EPS15: variants seen among roughly 807,000 people sequenced by gnomAD.
EPS15 encodes the protein epidermal growth factor receptor substrate 15.
A neutral mutation model predicts 113.8 loss-of-function variants in EPS15; 72 were observed. That is an observed-to-expected ratio of 0.63 (90% CI 0.52 to 0.77). The LOEUF (loss-of-function observed/expected upper bound fraction) is 0.77. Among genes scored for constraint, EPS15 ranks in the 30% least tolerant of loss-of-function variants. The pLI, the probability that EPS15 is intolerant of heterozygous loss-of-function variation, is 0.00. For missense variants in EPS15, 1,048 were observed against 1,045.8 expected, an observed-to-expected ratio of 1.00 and a Z score of -0.03; for synonymous variants, 344 against 363.4, an observed-to-expected ratio of 0.95 and a Z score of 0.61.
chr1:51,483,370 GAT>G (rs990061489), intron 1 of EPS15, among the ~76,000 whole-genome samples: 1 of 150,378 alleles, frequency 6.6e-6, no homozygotes, highest in Non-Finnish European at 1.5e-5. Flanking sequence ...CATACACACA[GAT>G]ATATATATTC....
intron 24 of EPS15, among the ~76,000 whole-genome samples, chr1:51,357,274 G>A (rs1266994766): frequency 6.7e-6 from 1 of 150,350 alleles, no homozygotes; most frequent in African/African-American, 2.5e-5. Flanking sequence ...CTACTTGGGA[G>A]GGTGAGGCAC....
chr1:51,434,883 G>C (rs914877976), intron 12 of EPS15, among the ~76,000 whole-genome samples: 3 of 151,986 alleles, frequency 2.0e-5, no homozygotes, highest in African/African-American at 7.2e-5. Flanking sequence ...TGTTGGGCAG[G>C]CTGGTCTCGA....
intron 1 of EPS15, among the ~76,000 whole-genome samples, chr1:51,515,878 G>T (rs1644707026): frequency 6.6e-6 from 1 of 152,182 alleles, no homozygotes; most frequent in South Asian, 2.1e-4. Context: ...TCTCTAATTT[G>T]TAAAACATAT....
At chr1:51,490,821 A>G (rs1201482998) in intron 1 of EPS15, among the ~76,000 whole-genome samples, 1 of 152,176 alleles carries the variant, frequency 6.6e-6, no homozygotes, top group East Asian at 1.9e-4. Flanking sequence ...TATGGATAGA[A>G]CTATATATGC....
chr1:51,507,777 G>A (rs541416571), intron 1 of EPS15, among the ~76,000 whole-genome samples: 3 of 151,926 alleles, frequency 2.0e-5, no homozygotes, highest in Admixed American at 6.6e-5. Context: ...AAAAAGAAAC[G>A]ATGTAAAAGA....
intron 1 of EPS15, among the ~76,000 whole-genome samples, chr1:51,514,684 T>C (rs1019349298): frequency 4.6e-5 from 7 of 152,190 alleles, no homozygotes; most frequent in South Asian, 2.1e-4. Context: ...TGTCTGCAAA[T>C]AGAGTGAAAA....
chr1:51,439,151 GA>G (rs977011848), intron 12 of EPS15, among the ~76,000 whole-genome samples: 1 of 152,058 alleles, frequency 6.6e-6, no homozygotes, highest in African/African-American at 2.4e-5. Flanking sequence ...AGTGGAAATG[GA>G]AACAAGAAAT....
intron 13 of EPS15, among the ~76,000 whole-genome samples, chr1:51,421,448 A>G (rs72696103): frequency 0.03 from 4,573 of 152,174 alleles, 74 homozygotes; most frequent in African/African-American, 0.05. Flanking sequence ...TGAGATGATG[A>G]TCTCACTCTA....
At chr1:51,462,972 G>A (rs1654589065) in intron 7 of EPS15, among the ~76,000 whole-genome samples, 2 of 149,554 alleles carry the variant, frequency 1.3e-5, no homozygotes, top group South Asian at 4.2e-4. Flanking sequence ...TGCCTCCTGG[G>A]TTCACGCGAT....
rs1457589850 is a variant in EPS15, at chr1:51,439,718, A to C, written c.1040+629T>G. ...ATGTATAAGAAAGAAGATTCAACTTAGAATAAAGTAGTCCTGGGATCAGGT... is the reference window on the plus strand; with the variant it reads ...ATGTATAAGAAAGAAGATTCAACTTCGAATAAAGTAGTCCTGGGATCAGGT... On this transcript the variant is annotated intron_variant, in intron 12 of 24. Coordinates refer to ENST00000371733, the MANE Select transcript of EPS15 (RefSeq NM_001981.3). Among the ~76,000 whole-genome samples the C allele has an allele frequency of 2.0e-5, 3 of 152,086 alleles. No individual in the cohort carries two copies. In the East Asian group the frequency reaches 5.8e-4, roughly 29 times the overall value.
At chr1:51,372,233 G>A (rs1179325142) in intron 21 of EPS15, 2 of 473,270 alleles carry the variant, frequency 4.2e-6, no homozygotes, top group Non-Finnish European at 8.7e-6. Context: ...GGGTTGCAGG[G>A]AGCTAGGCCT....
chr1:51,357,420 ATATATATT>A (rs1246938528), intron 24 of EPS15, among the ~76,000 whole-genome samples: 24 of 68,776 alleles, frequency 3.5e-4, no homozygotes, highest in Middle Eastern at 7.5e-3. Context: ...ATATATATAT[ATATATATT>A]TTTTTTTTTT....
intron 13 of EPS15, among the ~76,000 whole-genome samples, chr1:51,415,626 G>A (rs902302483): frequency 3.3e-5 from 5 of 150,584 alleles, no homozygotes; most frequent in Non-Finnish European, 5.9e-5. Flanking sequence ...GAAAAACCCC[G>A]TCTCTACTAA....
At position 51,465,258 on chromosome 1, in the gene EPS15, T is replaced by C; in HGVS notation, c.375+3A>G. 6.9e-6 allele frequency: 11 copies of C among 1,594,400 alleles called. No individual in the cohort carries two copies. The highest frequency in any genetic ancestry group is 9.4e-6 in the Non-Finnish European group (11 of 1,164,734). Reference sequence around the variant, plus strand: ...TGAGAGAATAGTTACAAAGTTTACTTACTTTTACAGCCCATGGGAGCTCAG... The same window carrying C: ...TGAGAGAATAGTTACAAAGTTTACTCACTTTTACAGCCCATGGGAGCTCAG... On this transcript the variant is annotated splice_donor_region_variant and intron_variant, in intron 6 of 24. Coordinates refer to ENST00000371733, the MANE Select transcript of EPS15 (RefSeq NM_001981.3).
chr1:51,368,082 A>G (rs1406554462), intron 21 of EPS15, among the ~76,000 whole-genome samples: 1 of 152,218 alleles, frequency 6.6e-6, no homozygotes, highest in Non-Finnish European at 1.5e-5. Flanking sequence ...CAGTAAGCTG[A>G]GATTGCGCCA....
chr1:51,486,263 CAA>C (rs780904279), intron 1 of EPS15, among the ~76,000 whole-genome samples: 1 of 119,648 alleles, frequency 8.4e-6, no homozygotes, highest in Non-Finnish European at 1.8e-5. Flanking sequence ...ACTAAAAATA[CAA>C]AAAAAAAAAA....
chr1:51,440,249 G>T, intron 12 of EPS15, 98 bp downstream of exon 12: 1 of 452,678 alleles, frequency 2.2e-6, no homozygotes, highest in Non-Finnish European at 4.0e-6. Flanking sequence ...TGTGTGTGGG[G>T]AGGAAGTTGT....
intron 1 of EPS15, among the ~76,000 whole-genome samples, chr1:51,490,540 G>C (rs1353689694): frequency 7.0e-6 from 1 of 143,260 alleles, no homozygotes; most frequent in Admixed American, 7.3e-5. Flanking sequence ...ACTCCCGCCT[G>C]GGCAACAGTG....
At chr1:51,501,551 C>A (rs553622175) in intron 1 of EPS15, among the ~76,000 whole-genome samples, 16 of 151,968 alleles carry the variant, frequency 1.1e-4, no homozygotes, top group African/African-American at 3.4e-4. Flanking sequence ...GCAATCTAAG[C>A]TCACTGCAAC....
Sources: gnomAD v4.1 joint callset for allele counts (sites outside exome capture counted in the v4.1 genomes callset) on GRCh38, gnomAD v4.1.1 for gene constraint, MANE v1.5 for transcripts, NCBI Gene and HGNC (gene_info 2026-07-23, HGNC 2026-07-21) for gene names.